NRCAM: variants seen among roughly 807,000 people sequenced by gnomAD.
NRCAM encodes the protein NgCAM-related cell adhesion molecule.
A neutral mutation model predicts 156.5 loss-of-function variants in NRCAM; 83 were observed. The ratio of observed to expected loss-of-function variants is 0.53; its 90% confidence interval spans 0.44 to 0.64. The LOEUF (loss-of-function observed/expected upper bound fraction) is 0.64, where lower values mean the gene tolerates loss of function less well. Ranked by LOEUF, NRCAM falls within the 30% of genes least tolerant of loss-of-function variation. The pLI is 0.00. For missense variants in NRCAM, 1,417 were observed against 1,597.3 expected, an observed-to-expected ratio of 0.89 and a Z score of 1.92; for synonymous variants, 538 against 563.9, an observed-to-expected ratio of 0.95 and a Z score of 0.65.
At position 108,340,803 on chromosome 7, in the gene NRCAM, C is replaced by T. The variant is rs192654121; in HGVS notation, c.-173-28072G>A. The stretch of plus-strand genomic sequence containing the variant: ...GAAAGCATACCTCTCTGTCACCTGA[C>T]TCTATTGAAGGCCAACTAATCTTAA... On this transcript the variant is annotated intron_variant, in intron 2 of 32. Transcript: ENST00000379028. 9.6e-4 allele frequency among the ~76,000 whole-genome samples: 146 copies of T among 152,282 alleles called. 1 individual carries two copies. The highest frequency in any genetic ancestry group is 1.5e-3 in the Non-Finnish European group (104 of 68,032).
chr7:108,248,344 G>A (rs2096099767), intron 3 of NRCAM, among the ~76,000 whole-genome samples: 1 of 152,058 alleles, frequency 6.6e-6, no homozygotes, highest in Non-Finnish European at 1.5e-5. Context: ...GGTAAACCCT[G>A]CTATGCTTGC....
chr7:108,221,899 G>A (rs965135251), intron 11 of NRCAM, among the ~76,000 whole-genome samples: 128 of 149,042 alleles, frequency 8.6e-4, no homozygotes, highest in African/African-American at 3.0e-3. Flanking sequence ...GCTTAGCCCA[G>A]TCATCACATG....
At chr7:108,269,399 T>G (rs993613641) in intron 3 of NRCAM, among the ~76,000 whole-genome samples, 3 of 152,190 alleles carry the variant, frequency 2.0e-5, no homozygotes, top group African/African-American at 7.2e-5. Flanking sequence ...TTTGTAATTG[T>G]ACAAATATAG....
chr7:108,155,105 C>T (rs13307323), intron 32 of NRCAM, among the ~76,000 whole-genome samples: 66,986 of 96,928 alleles, frequency 0.69, 21,482 homozygotes, highest in East Asian at 0.79. Context: ...TATATATACA[C>T]ACACACACAC....
intron 3 of NRCAM, among the ~76,000 whole-genome samples, chr7:108,264,248 C>A (rs1175698490): frequency 1.3e-5 from 2 of 152,214 alleles, no homozygotes; most frequent in East Asian, 1.9e-4. Flanking sequence ...AGCACTGGGA[C>A]TATAGGCATT....
chr7:108,428,984 G>A (rs1821181576), intron 1 of NRCAM, among the ~76,000 whole-genome samples: 1 of 151,778 alleles, frequency 6.6e-6, no homozygotes, highest in Non-Finnish European at 1.5e-5. Flanking sequence ...GGATTGTCAA[G>A]GGTCCCATTT....
At chr7:108,440,213 T>G (rs1230255193) in intron 1 of NRCAM, among the ~76,000 whole-genome samples, 4 of 152,120 alleles carry the variant, frequency 2.6e-5, no homozygotes, top group Non-Finnish European at 4.4e-5. Flanking sequence ...CTCAAAAACA[T>G]TATGCTACCT....
chr7:108,450,404 A>C (rs1849002216), intron 1 of NRCAM, among the ~76,000 whole-genome samples: 2 of 152,106 alleles, frequency 1.3e-5, no homozygotes, highest in African/African-American at 4.8e-5. Flanking sequence ...CATCTTTTTT[A>C]TTAGCTCAGC....
chr7:108,345,064 T>C (rs2099340294), intron 2 of NRCAM, among the ~76,000 whole-genome samples: 1 of 152,208 alleles, frequency 6.6e-6, no homozygotes. Flanking sequence ...ATAAAGAATG[T>C]GGGTCCCTGA....
intron 7 of NRCAM, among the ~76,000 whole-genome samples, chr7:108,231,746 TTTAA>T (rs1203035207): frequency 6.6e-6 from 1 of 152,194 alleles, no homozygotes; most frequent in African/African-American, 2.4e-5. Flanking sequence ...TTCTTTTTTG[TTTAA>T]TTAGTTTTTC....
intron 8 of NRCAM, among the ~76,000 whole-genome samples, chr7:108,227,961 G>A (rs1490016859): frequency 6.6e-6 from 1 of 152,168 alleles, no homozygotes; most frequent in East Asian, 1.9e-4. Context: ...TGGTTAAGAT[G>A]GGGGTTTGGT....
At chr7:108,249,227 A>T (rs2096178490) in intron 3 of NRCAM, among the ~76,000 whole-genome samples, 1 of 152,206 alleles carries the variant, frequency 6.6e-6, no homozygotes, top group African/African-American at 2.4e-5. Flanking sequence ...CTCTGTAATC[A>T]TAACGGAACC....
At chr7:108,185,938 G>A (rs2066501570) in intron 20 of NRCAM, among the ~76,000 whole-genome samples, 1 of 152,152 alleles carries the variant, frequency 6.6e-6, no homozygotes. Context: ...TTACCTCTCA[G>A]AGAATATAAA....
intron 3 of NRCAM, among the ~76,000 whole-genome samples, chr7:108,311,004 C>T (rs2098795090): frequency 6.6e-6 from 1 of 152,128 alleles, no homozygotes. Context: ...AGAAAAACTC[C>T]CTTAGAACTA....
chr7:108,257,824 T>G (rs981818362), intron 3 of NRCAM, among the ~76,000 whole-genome samples: 6 of 152,110 alleles, frequency 3.9e-5, no homozygotes, highest in African/African-American at 1.4e-4. Flanking sequence ...TTCACAGGTA[T>G]GTGAGCTATT....
intron 2 of NRCAM, among the ~76,000 whole-genome samples, chr7:108,341,365 C>T (rs111244203): frequency 6.6e-6 from 1 of 152,162 alleles, no homozygotes; most frequent in Non-Finnish European, 1.5e-5. Context: ...CTCTCCTGTC[C>T]CGGACAACTG....
intron 2 of NRCAM, among the ~76,000 whole-genome samples, chr7:108,347,044 T>TG (rs2099361472): frequency 7.2e-6 from 1 of 138,790 alleles, no homozygotes; most frequent in Non-Finnish European, 1.6e-5. Flanking sequence ...TTTTTTTTTT[T>TG]TTTTTTTTTT....
chr7:108,326,424 G>A (rs868672127), intron 2 of NRCAM, among the ~76,000 whole-genome samples: 3 of 152,266 alleles, frequency 2.0e-5, no homozygotes, highest in African/African-American at 7.2e-5. Flanking sequence ...GGCTTGAAAA[G>A]CATTCCAATT....
intron 1 of NRCAM, among the ~76,000 whole-genome samples, chr7:108,415,516 A>C (rs1800448490): frequency 1.3e-5 from 2 of 152,244 alleles, no homozygotes; most frequent in South Asian, 4.1e-4. Context: ...GGCAGGAAAG[A>C]AGCATGATAA....
Sources: gnomAD v4.1 joint callset for allele counts (sites outside exome capture counted in the v4.1 genomes callset) on GRCh38, gnomAD v4.1.1 for gene constraint, MANE v1.5 for transcripts, NCBI Gene and HGNC (gene_info 2026-07-23, HGNC 2026-07-21) for gene names.